The following HCN1 variants were observed in gnomAD, a reference collection of about 807,000 sequenced individuals.
The protein encoded by HCN1 is hyperpolarization activated cyclic nucleotide gated potassium channel 1, also known as potassium/sodium hyperpolarization-activated cyclic nucleotide-gated channel 1.
Under a neutral mutation model 78.9 loss-of-function variants are expected in HCN1, and 13 were observed. That is an observed-to-expected ratio of 0.16 (90% CI 0.11 to 0.26). HCN1 has a LOEUF of 0.26. Among genes scored for constraint, HCN1 ranks in the 10% least tolerant of loss-of-function variants. The probability of loss-of-function intolerance (pLI) is 1.00; values close to 1 mark genes in which losing one functional copy is unlikely to be tolerated. For synonymous variants in HCN1, 552 were observed against 455.5 expected, an observed-to-expected ratio of 1.21 and a Z score of -2.70; for missense variants, 810 against 1,154.3, an observed-to-expected ratio of 0.70 and a Z score of 4.32.
chr5:45,495,791 T>C (rs1242940888), intron 2 of HCN1, among the ~76,000 whole-genome samples: 2 of 152,224 alleles, frequency 1.3e-5, no homozygotes, highest in African/African-American at 2.4e-5. Flanking sequence ...ACCTAATTTA[T>C]TGAGAGTTTT....
At chr5:45,511,604 C>T (rs1331557892) in intron 2 of HCN1, among the ~76,000 whole-genome samples, 1 of 151,990 alleles carries the variant, frequency 6.6e-6, no homozygotes, top group African/African-American at 2.4e-5. Flanking sequence ...AAAAATCAGA[C>T]AAACCTAATT....
intron 2 of HCN1, among the ~76,000 whole-genome samples, chr5:45,468,361 T>C (rs1741322314): frequency 6.6e-6 from 1 of 152,108 alleles, no homozygotes; most frequent in Admixed American, 6.6e-5. Context: ...AAATAAAGTA[T>C]AGGTGTATAT....
intron 4 of HCN1, among the ~76,000 whole-genome samples, chr5:45,377,838 T>C (rs1747716319): frequency 6.6e-6 from 1 of 152,002 alleles, no homozygotes; most frequent in South Asian, 2.1e-4. Flanking sequence ...AAGAGGGCTG[T>C]ATAGAAAGAT....
chr5:45,470,609 T>G (rs1230979470), intron 2 of HCN1, among the ~76,000 whole-genome samples: 1 of 151,922 alleles, frequency 6.6e-6, no homozygotes, highest in Non-Finnish European at 1.5e-5. Flanking sequence ...TCACCTTAAG[T>G]GCCAAAAATA....
intron 2 of HCN1, among the ~76,000 whole-genome samples, chr5:45,557,222 T>G (rs190245067): frequency 9.1e-4 from 139 of 152,236 alleles, no homozygotes; most frequent in Non-Finnish European, 1.7e-3. Flanking sequence ...GTTCTTATTT[T>G]GCTTTTTCTT....
chr5:45,677,843 A>C (rs1739614382), intron 1 of HCN1, among the ~76,000 whole-genome samples: 1 of 151,934 alleles, frequency 6.6e-6, no homozygotes, highest in South Asian at 2.1e-4. Flanking sequence ...TTTCTTATAG[A>C]GAAAGAATTT....
intron 2 of HCN1, among the ~76,000 whole-genome samples, chr5:45,582,651 G>T (rs1234082249): frequency 6.6e-6 from 1 of 152,218 alleles, no homozygotes; most frequent in Non-Finnish European, 1.5e-5. Flanking sequence ...GATATTGGCT[G>T]TGGGTTTGTC....
chr5:45,542,007 C>A (rs1743115242), intron 2 of HCN1, among the ~76,000 whole-genome samples: 1 of 152,030 alleles, frequency 6.6e-6, no homozygotes, highest in South Asian at 2.1e-4. Flanking sequence ...TATGTTTAAA[C>A]CTACATTAAC....
chr5:45,297,290 G>A (rs879351395), intron 6 of HCN1, among the ~76,000 whole-genome samples: 2 of 152,078 alleles, frequency 1.3e-5, no homozygotes, highest in South Asian at 2.1e-4. Context: ...CCTTTAGGCG[G>A]TTTCCACCCT....
intron 2 of HCN1, among the ~76,000 whole-genome samples, chr5:45,544,978 T>C (rs1442590801): frequency 2.6e-5 from 4 of 152,160 alleles, no homozygotes; most frequent in Non-Finnish European, 4.4e-5. Flanking sequence ...ATGGGATGGC[T>C]GGGTCAAATG....
chr5:45,497,946 G>A (rs1355619466), intron 2 of HCN1, among the ~76,000 whole-genome samples: 1 of 152,126 alleles, frequency 6.6e-6, no homozygotes, highest in Admixed American at 6.5e-5. Flanking sequence ...AGTTTCTGCC[G>A]AGAGATCCGC....
intron 3 of HCN1, among the ~76,000 whole-genome samples, chr5:45,415,043 C>T (rs572560864): frequency 6.6e-6 from 1 of 152,126 alleles, no homozygotes; most frequent in Non-Finnish European, 1.5e-5. Context: ...ATCTTGTAAG[C>T]AGTGGTTAAA....
chr5:45,312,573 C>A (rs567899709), intron 5 of HCN1, among the ~76,000 whole-genome samples: 1 of 152,200 alleles, frequency 6.6e-6, no homozygotes, highest in African/African-American at 2.4e-5. Context: ...CGAGGCATAG[C>A]CTCACCCGGC....
At chr5:45,499,176 C>T (rs367755772) in intron 2 of HCN1, among the ~76,000 whole-genome samples, 9 of 152,298 alleles carry the variant, frequency 5.9e-5, no homozygotes, top group African/African-American at 1.2e-4. Flanking sequence ...CACCCCTCCC[C>T]GAGCTTTGCT....
chr5:45,336,532 T>G (rs2111959460), intron 5 of HCN1, among the ~76,000 whole-genome samples: 1 of 152,192 alleles, frequency 6.6e-6, no homozygotes, highest in South Asian at 2.1e-4. Flanking sequence ...ACTGTGAATC[T>G]TCTATACCTT....
chr5:45,512,430 A>C (rs1478641175), intron 2 of HCN1, among the ~76,000 whole-genome samples: 3 of 152,140 alleles, frequency 2.0e-5, no homozygotes, highest in African/African-American at 7.2e-5. Context: ...AAATATTAGA[A>C]AGCTGGCCCC....
chr5:45,281,783 G>A (rs1416000723), intron 6 of HCN1, among the ~76,000 whole-genome samples: 1 of 151,250 alleles, frequency 6.6e-6, no homozygotes, highest in African/African-American at 2.4e-5. Context: ...TAGTAGAGAT[G>A]GGGTTTCACC....
chr5:45,611,057 C>CTT (rs35729058), intron 2 of HCN1, among the ~76,000 whole-genome samples: 8 of 142,316 alleles, frequency 5.6e-5, no homozygotes, highest in South Asian at 2.2e-4. Context: ...AAATTCTTTT[C>CTT]TTTTTTTTTT....
intron 3 of HCN1, among the ~76,000 whole-genome samples, chr5:45,446,856 C>A (rs2111585818): frequency 6.6e-6 from 1 of 151,892 alleles, no homozygotes. Context: ...TTGTCACCAC[C>A]AGGCCTGCCC....
Sources: gnomAD v4.1 joint callset for allele counts (sites outside exome capture counted in the v4.1 genomes callset) on GRCh38, gnomAD v4.1.1 for gene constraint, MANE v1.5 for transcripts, NCBI Gene and HGNC (gene_info 2026-07-23, HGNC 2026-07-21) for gene names.